Variants in ATP11A observed in about 807,000 individuals in gnomAD.
ATP11A encodes the protein phospholipid-transporting ATPase IH.
In ATP11A, 81 loss-of-function variants were observed where a neutral mutation model predicts 154.4. The observed-to-expected ratio is 0.52, with a 90% CI of 0.44 to 0.63. The LOEUF (loss-of-function observed/expected upper bound fraction) is 0.63. Among genes scored for constraint, ATP11A ranks in the 30% least tolerant of loss-of-function variants. ATP11A has a pLI of 0.00. For missense variants in ATP11A, 1,316 were observed against 1,474.3 expected, an observed-to-expected ratio of 0.89 and a Z score of 1.76; for synonymous variants, 623 against 585.9, an observed-to-expected ratio of 1.06 and a Z score of -0.91.
Position 112,760,271 on chromosome 13 carries a change from G to C in ATP11A, c.40-24864G>C, listed in dbSNP as rs2139869457. 2.0e-5 allele frequency among the ~76,000 whole-genome samples: 3 copies of C among 152,346 alleles called. No homozygotes were observed. In the South Asian group the frequency reaches 6.2e-4, roughly 32 times the overall value. ...TTGAGGAAGGGGCACCTCGCTGTGA[G>C]TTTCATGCTTCCCTTCGTCCAGGCG... On this transcript the variant is annotated intron_variant, in intron 1 of 29. Coordinates refer to ENST00000375645, the MANE Select transcript of ATP11A (RefSeq NM_015205.3).
intron 2 of ATP11A, among the ~76,000 whole-genome samples, chr13:112,792,739 C>T (rs2077893956): frequency 1.3e-5 from 2 of 152,168 alleles, no homozygotes; most frequent in Non-Finnish European, 2.9e-5. Context: ...TGCAGAGCTC[C>T]CCCAGGCCTG....
intron 8 of ATP11A, 33 bp downstream of exon 8, chr13:112,819,983 C>A: frequency 6.4e-7 from 1 of 1,555,414 alleles, no homozygotes. Context: ...TGGCCACGGT[C>A]ACCTCCCTTG....
chr13:112,873,180 T>C (rs1313898616), intron 26 of ATP11A, among the ~76,000 whole-genome samples: 100 of 147,432 alleles, frequency 6.8e-4, no homozygotes, highest in African/African-American at 2.6e-3. Context: ...TGGCTTTGTC[T>C]TCCTGAGCGG....
intron 17 of ATP11A, among the ~76,000 whole-genome samples, chr13:112,844,387 C>A (rs1210695199): frequency 2.0e-5 from 3 of 152,206 alleles, no homozygotes; most frequent in African/African-American, 7.2e-5. Context: ...AATGCGAGAG[C>A]AGCAAGGGCA....
chr13:112,864,564 A>G lies in ATP11A; in HGVS notation c.2991+1989A>G, dbSNP rs1327326668. Among the ~76,000 whole-genome samples, 6 of 53,720 alleles carry G rather than the reference A, an allele frequency of 1.1e-4. No homozygotes were observed. The East Asian group carries it at 2.2e-3, about 20-fold the overall frequency. 35.2% of individuals were successfully genotyped at this position (53,720 alleles called of 152,430 possible). On this transcript the variant is annotated intron_variant, in intron 25 of 29. Transcript: ENST00000375645. ...CCTGCGCAGTAATTCAGTGCGGCCCATGCAGCTTCCCAGCGGGGTCCATCA... is the reference window on the plus strand; with the variant it reads ...CCTGCGCAGTAATTCAGTGCGGCCCGTGCAGCTTCCCAGCGGGGTCCATCA...
chr13:112,709,755 A>G (rs1055169229), intron 1 of ATP11A, among the ~76,000 whole-genome samples: 1 of 152,212 alleles, frequency 6.6e-6, no homozygotes, highest in Non-Finnish European at 1.5e-5. Context: ...TAAAATGTAT[A>G]AAACCAAGCT....
At chr13:112,719,485 A>C (rs1054681797) in intron 1 of ATP11A, among the ~76,000 whole-genome samples, 3 of 152,238 alleles carry the variant, frequency 2.0e-5, no homozygotes, top group African/African-American at 7.2e-5. Context: ...CAGAAGACAA[A>C]ATTACAAAAC....
chr13:112,732,450 C>T (rs73576487), intron 1 of ATP11A, among the ~76,000 whole-genome samples: 3,153 of 152,148 alleles, frequency 0.021, 96 homozygotes, highest in African/African-American at 0.07. Flanking sequence ...CCATCTCTCT[C>T]TCTCCAGCTC....
chr13:112,840,411 T>C (rs77027983), intron 16 of ATP11A, among the ~76,000 whole-genome samples: 24 of 19,828 alleles, frequency 1.2e-3, no homozygotes, highest in East Asian at 2.6e-3. Context: ...CTCAGCCTCC[T>C]TACTCTCCTG....
chr13:112,785,694 G>A lies in ATP11A; in HGVS notation c.162+437G>A, dbSNP rs2077608242. On this transcript the variant is annotated intron_variant, in intron 2 of 29. Coordinates refer to ENST00000375645, the MANE Select transcript of ATP11A (RefSeq NM_015205.3). The surrounding 1 kb of genome is among the most constrained non-coding windows in gnomAD (Gnocchi z 4.8). ...CGCAGGCTGGACAGCAAAACCTGGGGGGAAATCTTTGAGCTTGTTCACGAG... is the reference window on the plus strand; with the variant it reads ...CGCAGGCTGGACAGCAAAACCTGGGAGGAAATCTTTGAGCTTGTTCACGAG... Among the ~76,000 whole-genome samples the A allele has an allele frequency of 6.6e-6, 1 of 152,186 alleles. No homozygotes were observed. The highest frequency in any genetic ancestry group is 1.5e-5 in the Non-Finnish European group (1 of 68,046).
intron 28 of ATP11A, 63 bp from the exon 29 acceptor site, chr13:112,878,154 G>A: frequency 6.8e-7 from 1 of 1,473,544 alleles, no homozygotes; most frequent in Non-Finnish European, 9.5e-7. Context: ...CGACCGCTTT[G>A]CCTAAATCCT....
At chr13:112,730,163 G>A (rs559625569) in intron 1 of ATP11A, among the ~76,000 whole-genome samples, 1 of 152,228 alleles carries the variant, frequency 6.6e-6, no homozygotes, top group Admixed American at 6.5e-5. Flanking sequence ...GAGCCGTGGG[G>A]CTGGTGACCT....
chr13:112,806,061 C>T, intron 3 of ATP11A, 152 bp from the exon 4 acceptor site: 1 of 568,330 alleles, frequency 1.8e-6, no homozygotes, highest in Non-Finnish European at 3.1e-6. Context: ...GGACGATTGA[C>T]TTGCTATCTC....
intron 1 of ATP11A, among the ~76,000 whole-genome samples, chr13:112,709,901 G>A (rs572025344): frequency 6.6e-5 from 10 of 152,388 alleles, no homozygotes; most frequent in African/African-American, 2.2e-4. Context: ...TAGGAGCTGC[G>A]CCCATGAGGG....
rs572080737 is a variant in ATP11A, at chr13:112,884,511, G to C, written c.*2645G>C. 1 of 152,360 alleles carries C rather than the reference G, an allele frequency of 6.6e-6. No homozygotes were observed. The highest frequency in any genetic ancestry group is 1.5e-5 in the Non-Finnish European group (1 of 68,036). 9.4% of individuals were successfully genotyped at this position (152,360 alleles called of 1,614,324 possible). A position where few individuals can be genotyped will look rare whatever the true frequency, so the allele number is the denominator to read the frequency against. ...GATTTGAAATAGACAAGGGGCACGAGATAAAAAAGAAAAGGATGAGAAGAT... is the reference window on the plus strand; with the variant it reads ...GATTTGAAATAGACAAGGGGCACGACATAAAAAAGAAAAGGATGAGAAGAT... On this transcript the variant is annotated 3_prime_UTR_variant, in exon 30 of 30. Transcript: ENST00000375645.
At chr13:112,731,409 C>T (rs763400249) in intron 1 of ATP11A, among the ~76,000 whole-genome samples, 2 of 151,970 alleles carry the variant, frequency 1.3e-5, no homozygotes, top group South Asian at 4.1e-4. Flanking sequence ...TTGATGACTG[C>T]GCCACACACT....
intron 1 of ATP11A, among the ~76,000 whole-genome samples, chr13:112,772,621 C>T (rs1321071824): frequency 4.6e-5 from 7 of 151,996 alleles, no homozygotes; most frequent in Admixed American, 3.9e-4. Flanking sequence ...ACCAGGTGCT[C>T]CCAAGCCCTG....
At chr13:112,845,893 C>T (rs566123757) in intron 17 of ATP11A, among the ~76,000 whole-genome samples, 5 of 152,300 alleles carry the variant, frequency 3.3e-5, no homozygotes, top group East Asian at 1.9e-4. Context: ...GCCGGGCACT[C>T]GCAGTGCTAG....
chr13:112,733,662 G>C (rs559992171), intron 1 of ATP11A, among the ~76,000 whole-genome samples: 1 of 152,082 alleles, frequency 6.6e-6, no homozygotes, highest in Non-Finnish European at 1.5e-5. Flanking sequence ...ACAAGTGAAG[G>C]AGTATTGCAC....
Sources: allele counts gnomAD v4.1 joint callset (sites outside exome capture counted in the v4.1 genomes callset), GRCh38; gene constraint gnomAD v4.1.1; non-coding constraint Gnocchi (gnomAD v3.1); transcripts MANE v1.5; gene names NCBI Gene and HGNC (gene_info 2026-07-23, HGNC 2026-07-21).